MAP3K3: variants seen among roughly 807,000 people sequenced by gnomAD.
MAP3K3 encodes mitogen-activated protein kinase kinase kinase 3.
MAP3K3 carries 12 observed loss-of-function variants against 80.9 expected under a neutral mutation model. That is an observed-to-expected ratio of 0.15 (90% CI 0.10 to 0.24). The LOEUF (loss-of-function observed/expected upper bound fraction) is 0.24, where lower values mean the gene tolerates loss of function less well. MAP3K3 is among the 10% of genes least tolerant of loss of function. MAP3K3 has a pLI of 1.00. For synonymous variants in MAP3K3, 272 were observed against 307.1 expected (o/e 0.89, Z 1.19); for missense variants, 596 against 834.7 (o/e 0.71, Z 3.52).
chr17:63,677,266 T>G (rs942225750), intron 6 of MAP3K3, among the ~76,000 whole-genome samples: 2 of 152,252 alleles, frequency 1.3e-5, no homozygotes, highest in Non-Finnish European at 2.9e-5. Flanking sequence ...TAGTCTTTTC[T>G]CCGTGCACCT....
intron 4 of MAP3K3, among the ~76,000 whole-genome samples, chr17:63,657,527 T>A (rs1015186918): frequency 1.3e-5 from 2 of 152,020 alleles, no homozygotes; most frequent in Admixed American, 6.6e-5. Flanking sequence ...GCACAAGAGA[T>A]CCTGTTGGAG....
intron 2 of MAP3K3, among the ~76,000 whole-genome samples, chr17:63,638,725 T>TA (rs2034382464): frequency 6.6e-6 from 1 of 152,202 alleles, no homozygotes; most frequent in Non-Finnish European, 1.5e-5. Context: ...AACATGTGCC[T>TA]ATGGTCACGC....
At chr17:63,639,839 T>C (rs1481673525) in intron 2 of MAP3K3, among the ~76,000 whole-genome samples, 1 of 152,198 alleles carries the variant, frequency 6.6e-6, no homozygotes, top group Non-Finnish European at 1.5e-5. Context: ...CAAAATATAA[T>C]GCCAGGCTTG....
At chr17:63,654,711 G>A (rs1014244222) in intron 4 of MAP3K3, among the ~76,000 whole-genome samples, 2 of 152,160 alleles carry the variant, frequency 1.3e-5, no homozygotes, top group Non-Finnish European at 1.5e-5. Context: ...TCACTCTGCT[G>A]TAAAAAACTG....
intron 2 of MAP3K3, among the ~76,000 whole-genome samples, chr17:63,637,373 T>C (rs1321911792): frequency 6.6e-6 from 1 of 152,180 alleles, no homozygotes; most frequent in Non-Finnish European, 1.5e-5. Flanking sequence ...AGGAAGTAAA[T>C]CCAAGCCTTC....
At chr17:63,672,283 CAAA>C (rs150268322) in intron 6 of MAP3K3, among the ~76,000 whole-genome samples, 2 of 46,550 alleles carry the variant, frequency 4.3e-5, no homozygotes, top group Admixed American at 2.2e-4. Flanking sequence ...AACTCCATCT[CAAA>C]AAAAAAAAAA....
intron 8 of MAP3K3, among the ~76,000 whole-genome samples, chr17:63,686,731 C>T (rs745382244): frequency 6.6e-6 from 1 of 152,132 alleles, no homozygotes. Context: ...TAAATTTACC[C>T]GCCTCTCTAT....
intron 5 of MAP3K3, 71 bp from the exon 6 acceptor site, chr17:63,666,869 A>G: frequency 1.3e-6 from 2 of 1,576,358 alleles, no homozygotes; most frequent in Non-Finnish European, 8.6e-7. Context: ...TCCTTAGGAA[A>G]AGGGTGAGAA....
intron 4 of MAP3K3, among the ~76,000 whole-genome samples, chr17:63,654,820 G>A (rs963887832): frequency 1.3e-5 from 2 of 152,080 alleles, no homozygotes; most frequent in African/African-American, 4.8e-5. Context: ...GGCAGATCAC[G>A]AGGTCAGGAG....
At chr17:63,648,132 T>TA (rs1460715526) in intron 3 of MAP3K3, among the ~76,000 whole-genome samples, 3 of 152,216 alleles carry the variant, frequency 2.0e-5, no homozygotes, top group Non-Finnish European at 4.4e-5. Flanking sequence ...AGCACTGGCC[T>TA]AAAAATGCCT....
intron 2 of MAP3K3, among the ~76,000 whole-genome samples, chr17:63,641,851 G>A (rs990260137): frequency 2.0e-5 from 3 of 152,086 alleles, no homozygotes; most frequent in Non-Finnish European, 2.9e-5. Context: ...GGAGGGGTGG[G>A]AGAGGGCATG....
chr17:63,643,259 C>G (rs1026094139), intron 2 of MAP3K3, among the ~76,000 whole-genome samples: 1 of 151,828 alleles, frequency 6.6e-6, no homozygotes, highest in African/African-American at 2.4e-5. Flanking sequence ...AATCCCAGCA[C>G]TTTGGGAGGC....
At chr17:63,646,842 A>G (rs2034549760) in intron 3 of MAP3K3, among the ~76,000 whole-genome samples, 1 of 152,158 alleles carries the variant, frequency 6.6e-6, no homozygotes, top group Non-Finnish European at 1.5e-5. Flanking sequence ...GGGACCTTGC[A>G]TGTTTGTGCA....
chr17:63,646,154 C>T, intron 3 of MAP3K3, 80 bp downstream of exon 3: 6 of 1,320,452 alleles, frequency 4.5e-6, no homozygotes, highest in South Asian at 1.2e-5. Flanking sequence ...GAAGTCATTC[C>T]CCTGTCCTGA....
intron 6 of MAP3K3, among the ~76,000 whole-genome samples, chr17:63,673,278 A>G (rs2035146901): frequency 6.6e-6 from 1 of 152,206 alleles, no homozygotes; most frequent in Non-Finnish European, 1.5e-5. Context: ...CAGTTTTTCA[A>G]ACATGTGAAG....
chr17:63,645,913 C>T lies in MAP3K3; in HGVS notation c.127-121C>T, dbSNP rs2143291961. ...TGCCCATCTGGGAAGAGAAGCTGGA[C>T]CAGGAGCCATCAGGGATGTATGCCT... On this transcript the variant is annotated intron_variant, in intron 2 of 15. Transcript: ENST00000361733. 3 of 721,576 alleles carry T rather than the reference C, an allele frequency of 4.2e-6. No homozygotes were observed. In the East Asian group the frequency reaches 8.0e-5, roughly 19 times the overall value. 44.7% of individuals were successfully genotyped at this position (721,576 alleles called of 1,614,324 possible). A position where few individuals can be genotyped will look rare whatever the true frequency, so the allele number is the denominator to read the frequency against.
intron 6 of MAP3K3, among the ~76,000 whole-genome samples, chr17:63,669,064 G>T (rs2035052332): frequency 6.6e-6 from 1 of 152,198 alleles, no homozygotes; most frequent in South Asian, 2.1e-4. Flanking sequence ...AACCCCAGGG[G>T]CTTTGCACTG....
intron 5 of MAP3K3, among the ~76,000 whole-genome samples, chr17:63,664,665 C>T (rs1284784790): frequency 6.6e-6 from 1 of 152,118 alleles, no homozygotes; most frequent in African/African-American, 2.4e-5. Context: ...TAACTTCTAC[C>T]CAGAGTCCTT....
Position 63,681,832 on chromosome 17 carries a change from C to T in MAP3K3, c.569C>T (p.Ala190Val), listed in dbSNP as rs2035343952. ...GYVPERQQHIARQGSYTSINS... is the reference protein window; with the variant it reads ...GYVPERQQHIVRQGSYTSINS... ...GTTCCTGAGCGGCAGCAGCACATTG[C>T]CCGGCAGGGGTCCTACACCAGCATC... The change falls in exon 7 of 16, where the codon GCC (alanine) becomes GTC (valine). Residue 190 changes from alanine to valine, a missense_variant. Transcript: ENST00000361733. 6.5e-7 allele frequency: 1 copy of T among 1,548,344 alleles called. No homozygotes were observed. Among genetic ancestry groups the T allele is most frequent in the Admixed American group, 1.9e-5 (1 of 53,008 alleles).
Sources: allele counts gnomAD v4.1 joint callset (sites outside exome capture counted in the v4.1 genomes callset), GRCh38; gene constraint gnomAD v4.1.1; transcripts MANE v1.5; gene names NCBI Gene and HGNC (gene_info 2026-07-23, HGNC 2026-07-21).